Variants in MAPK10 observed in about 807,000 individuals in gnomAD.
MAPK10 encodes mitogen-activated protein kinase 10.
Under a neutral mutation model 59.3 loss-of-function variants are expected in MAPK10, and 25 were observed. The observed-to-expected ratio is 0.42, with a 90% CI of 0.31 to 0.59. The LOEUF (loss-of-function observed/expected upper bound fraction) is 0.59, where lower values mean the gene tolerates loss of function less well. MAPK10 is among the 20% of genes least tolerant of loss of function. MAPK10 has a pLI of 0.15. For missense variants in MAPK10, 351 were observed against 568.9 expected, an observed-to-expected ratio of 0.62 and a Z score of 3.90; for synonymous variants, 190 against 200.5, an observed-to-expected ratio of 0.95 and a Z score of 0.44.
intron 4 of MAPK10, among the ~76,000 whole-genome samples, chr4:86,123,525 G>C (rs867138083): frequency 6.6e-6 from 1 of 151,886 alleles, no homozygotes; most frequent in African/African-American, 2.4e-5. Context: ...TCAAGACCTT[G>C]CTTACATCAA....
intron 1 of MAPK10, among the ~76,000 whole-genome samples, chr4:86,548,890 G>A (rs1321113929): frequency 6.6e-6 from 1 of 152,038 alleles, no homozygotes; most frequent in African/African-American, 2.4e-5. Flanking sequence ...ATAGATTTTG[G>A]TTCCTTTAAA....
intron 2 of MAPK10, among the ~76,000 whole-genome samples, chr4:86,332,939 C>G (rs1482761593): frequency 1.3e-5 from 2 of 152,112 alleles, no homozygotes; most frequent in Non-Finnish European, 2.9e-5. Flanking sequence ...GTCAACTAAT[C>G]ATTGTATGGC....
Position 86,359,651 on chromosome 4 carries a change from C to T in MAPK10, c.-122+7G>A, listed in dbSNP as rs948870284. On this transcript the variant is annotated splice_region_variant and intron_variant, in intron 1 of 13. Transcript: ENST00000641462. ...TTAGAACCCAGAACGAGCAAAGAGC[C>T]ACCTACCATTCCGTGCCTGAGAACT... 3 of 985,114 alleles carry T rather than the reference C, an allele frequency of 3.0e-6. No individual in the cohort carries two copies. The highest frequency in any genetic ancestry group is 3.6e-6 in the Non-Finnish European group (3 of 829,420). 61.0% of individuals were successfully genotyped at this position (985,114 alleles called of 1,614,324 possible).
chr4:86,530,727 A>G lies in MAPK10; in HGVS notation c.-263+63183T>C, dbSNP rs534697203. Among the ~76,000 whole-genome samples, 29 of 152,300 alleles carry G rather than the reference A, an allele frequency of 1.9e-4. No homozygotes were observed. The Middle Eastern group carries it at 0.01, about 54-fold the overall frequency. On this transcript the variant is annotated intron_variant, in intron 1 of 4. Coordinates refer to the MAPK10 transcript ENST00000502302. ...CCTGAAGGCTCTGCCCTTATGAACT[A>G]ATCATCTCTTAAAGGCCCAACCTCC...
chr4:86,487,007 C>T (rs1438692695), intron 1 of MAPK10, among the ~76,000 whole-genome samples: 5 of 152,066 alleles, frequency 3.3e-5, no homozygotes, highest in Admixed American at 2.6e-4. Flanking sequence ...GTCACATAGC[C>T]GTCTTATATT....
intron 2 of MAPK10, among the ~76,000 whole-genome samples, chr4:86,303,428 T>C (rs1423962054): frequency 6.6e-6 from 1 of 152,022 alleles, no homozygotes; most frequent in Non-Finnish European, 1.5e-5. Flanking sequence ...AGAAGTGATA[T>C]AAAGATGAAA....
Position 86,311,035 on chromosome 4 carries a change from TACACACAC to T in MAPK10, c.-7+43487_-7+43494del, listed in dbSNP as rs143712904. ...ACTATATGATTACACAGTTTTAAGT[TACACACAC>T]ACACACACACACACACACACACACA... On this transcript the variant is annotated intron_variant, in intron 2 of 13. Transcript: ENST00000641462. Among the ~76,000 whole-genome samples the T allele has an allele frequency of 6.1e-3, 860 of 141,962 alleles. 8 individuals are homozygous for T. Among genetic ancestry groups the T allele is most frequent in the South Asian group, 0.034 (143 of 4,254 alleles). The allele number at this position is 141,962 out of a possible 152,430, so 93.1% of individuals were successfully genotyped here.
Position 86,296,229 on chromosome 4 carries a change from G to C in MAPK10, c.-7+58301C>G, listed in dbSNP as rs190080106. On this transcript the variant is annotated intron_variant, in intron 2 of 13. Coordinates refer to ENST00000641462, the MANE Select transcript of MAPK10 (RefSeq NM_138982.4). ...TTGGGTGCAATGCAAACTTTTTTTT[G>C]TTTTGTTTTTTCTTGTTCCTAAAGA... 3.3e-4 allele frequency among the ~76,000 whole-genome samples: 49 copies of C among 149,986 alleles called. No homozygotes were observed. The East Asian group carries it at 3.9e-3, about 12-fold the overall frequency.
chr4:86,401,196 T>A (rs1319308543), intron 1 of MAPK10, among the ~76,000 whole-genome samples: 1 of 152,156 alleles, frequency 6.6e-6, no homozygotes, highest in Non-Finnish European at 1.5e-5. Context: ...AATGCTGAAG[T>A]GTCCAAGGAG....
intron 1 of MAPK10, among the ~76,000 whole-genome samples, chr4:86,431,312 G>A (rs998884086): frequency 2.0e-5 from 3 of 151,930 alleles, no homozygotes; most frequent in Non-Finnish European, 4.4e-5. Context: ...ATATATAAAC[G>A]TTATAAACAT....
chr4:86,394,562 G>C (rs1022176415), intron 1 of MAPK10, among the ~76,000 whole-genome samples: 6 of 151,980 alleles, frequency 3.9e-5, no homozygotes, highest in African/African-American at 1.5e-4. Flanking sequence ...CAGTGGTATG[G>C]GATTTTTTTC....
upstream of MAPK10, among the ~76,000 whole-genome samples, chr4:86,360,650 G>C (rs1213797935): frequency 2.6e-5 from 4 of 152,050 alleles, no homozygotes; most frequent in Non-Finnish European, 5.9e-5. Flanking sequence ...ATTAATTTGA[G>C]TTAACACATC....
chr4:86,571,776 T>A (rs566822974), intron 1 of MAPK10, among the ~76,000 whole-genome samples: 1 of 152,228 alleles, frequency 6.6e-6, no homozygotes, highest in East Asian at 1.9e-4. Flanking sequence ...TGAATTTACT[T>A]GTCTATGGTA....
chr4:86,581,902 TATATATATA>T (rs1762314932), intron 1 of MAPK10, among the ~76,000 whole-genome samples: 4 of 1,842 alleles, frequency 2.2e-3, no homozygotes, highest in African/African-American at 4.6e-3. Flanking sequence ...ATATATATTA[TATATATATA>T]TATATATATA....
intron 2 of MAPK10, among the ~76,000 whole-genome samples, chr4:86,339,583 T>C (rs1723662473): frequency 6.6e-6 from 1 of 152,228 alleles, no homozygotes. Context: ...CCTTTATTGT[T>C]GTAGAGCATA....
intron 1 of MAPK10, among the ~76,000 whole-genome samples, chr4:86,486,769 T>G (rs199987233): frequency 1.8e-3 from 273 of 152,314 alleles, no homozygotes; most frequent in Middle Eastern, 3.4e-3. Flanking sequence ...CCCCACAGAT[T>G]GTTTAGTGGT....
chr4:86,429,086 G>A, intron 1 of MAPK10, among the ~76,000 whole-genome samples: 1 of 152,126 alleles, frequency 6.6e-6, no homozygotes, highest in African/African-American at 2.4e-5. Context: ...CTCATTTTTG[G>A]TATATTATCA....
chr4:86,390,614 G>A (rs1363759419), intron 1 of MAPK10, among the ~76,000 whole-genome samples: 2 of 152,218 alleles, frequency 1.3e-5, no homozygotes, highest in Non-Finnish European at 2.9e-5. Flanking sequence ...CAGCAAGATA[G>A]AGGTGCCTAT....
chr4:86,477,454 C>T (rs1753195558), intron 1 of MAPK10, among the ~76,000 whole-genome samples: 1 of 152,076 alleles, frequency 6.6e-6, no homozygotes, highest in African/African-American at 2.4e-5. Flanking sequence ...CACATCCTCC[C>T]CTTGTATCTC....
Sources: gnomAD v4.1 joint callset for allele counts (sites outside exome capture counted in the v4.1 genomes callset) on GRCh38, gnomAD v4.1.1 for gene constraint, MANE v1.5 for transcripts, NCBI Gene and HGNC (gene_info 2026-07-23, HGNC 2026-07-21) for gene names.